Variants in GPC5 observed in about 807,000 individuals in gnomAD.
GPC5 encodes glypican-5.
GPC5 carries 47 observed loss-of-function variants against 53.9 expected under a neutral mutation model. That is an observed-to-expected ratio of 0.87 (90% CI 0.69 to 1.11). The LOEUF is 1.11. GPC5 is among the 50% of genes most tolerant of loss of function. The pLI, the probability that GPC5 is intolerant of heterozygous loss-of-function variation, is 0.00. For missense variants in GPC5, 748 were observed against 713.1 expected, an observed-to-expected ratio of 1.05 and a Z score of -0.56; for synonymous variants, 286 against 263.3, an observed-to-expected ratio of 1.09 and a Z score of -0.84.
chr13:92,244,731 A>AG (rs1175823679), intron 7 of GPC5, among the ~76,000 whole-genome samples: 1 of 152,124 alleles, frequency 6.6e-6, no homozygotes, highest in Non-Finnish European at 1.5e-5. Context: ...ATTGTAAAAA[A>AG]CAAAAGAGTT....
At chr13:92,645,397 T>C (rs1156971360) in intron 7 of GPC5, among the ~76,000 whole-genome samples, 1 of 152,192 alleles carries the variant, frequency 6.6e-6, no homozygotes, top group Non-Finnish European at 1.5e-5. Flanking sequence ...AAATGAATTT[T>C]TGTCCTAGTA....
intron 5 of GPC5, among the ~76,000 whole-genome samples, chr13:91,859,437 G>A (rs1484542496): frequency 6.6e-6 from 1 of 151,868 alleles, no homozygotes. Flanking sequence ...AGCAACCATA[G>A]GCCAATAGAT....
intron 7 of GPC5, among the ~76,000 whole-genome samples, chr13:92,527,224 A>G (rs1266205631): frequency 2.6e-5 from 1 of 39,020 alleles, no homozygotes; most frequent in African/African-American, 1.8e-4. Flanking sequence ...AAAGAAAGAA[A>G]GAAAGAAAGA....
At chr13:92,284,458 A>G (rs967276936) in intron 7 of GPC5, among the ~76,000 whole-genome samples, 1 of 152,218 alleles carries the variant, frequency 6.6e-6, no homozygotes, top group African/African-American at 2.4e-5. Flanking sequence ...TTTTAGACCG[A>G]TATCCCTGAT....
chr13:92,221,519 C>T (rs1412067003), intron 7 of GPC5, among the ~76,000 whole-genome samples: 1 of 152,096 alleles, frequency 6.6e-6, no homozygotes, highest in East Asian at 1.9e-4. Context: ...TATGTTTTCC[C>T]AACACCCTCT....
intron 7 of GPC5, among the ~76,000 whole-genome samples, chr13:92,260,085 C>T (rs1301311933): frequency 6.6e-6 from 1 of 152,184 alleles, no homozygotes; most frequent in African/African-American, 2.4e-5. Context: ...AGCCTCTCTA[C>T]TCACTAATGC....
At chr13:92,248,934 G>A (rs1296708154) in intron 7 of GPC5, among the ~76,000 whole-genome samples, 4 of 152,036 alleles carry the variant, frequency 2.6e-5, no homozygotes, top group Non-Finnish European at 4.4e-5. Flanking sequence ...AGGCAGCAAT[G>A]TTTATTCATT....
intron 7 of GPC5, among the ~76,000 whole-genome samples, chr13:92,646,980 C>A (rs1357577581): frequency 1.5e-5 from 2 of 130,598 alleles, no homozygotes; most frequent in African/African-American, 5.3e-5. Context: ...ATAAACCTGG[C>A]ATTCTATGAC....
chr13:91,568,804 A>G (rs1390786224), intron 2 of GPC5, among the ~76,000 whole-genome samples: 1 of 146,954 alleles, frequency 6.8e-6, no homozygotes, highest in African/African-American at 2.5e-5. Flanking sequence ...GCTGGAGTGC[A>G]GTGGTGCAAT....
intron 6 of GPC5, among the ~76,000 whole-genome samples, chr13:92,067,715 A>C (rs1260842879): frequency 6.6e-6 from 1 of 151,998 alleles, no homozygotes; most frequent in Non-Finnish European, 1.5e-5. Flanking sequence ...GCATGCATAT[A>C]ATAAAGGCAA....
At chr13:91,521,837 A>G (rs1323277198) in intron 2 of GPC5, among the ~76,000 whole-genome samples, 1 of 152,180 alleles carries the variant, frequency 6.6e-6, no homozygotes, top group Admixed American at 6.5e-5. Flanking sequence ...ATGCCAGTTA[A>G]AAGCTCCAAG....
intron 6 of GPC5, among the ~76,000 whole-genome samples, chr13:92,140,587 A>G (rs951111489): frequency 2.0e-5 from 3 of 152,198 alleles, no homozygotes; most frequent in African/African-American, 7.2e-5. Flanking sequence ...TCTGTGACCC[A>G]TCTTTTTGGA....
intron 7 of GPC5, among the ~76,000 whole-genome samples, chr13:92,202,628 A>AGGCAGT (rs1196197737): frequency 2.0e-5 from 3 of 152,210 alleles, no homozygotes; most frequent in African/African-American, 7.2e-5. Flanking sequence ...CAGAGGCCAC[A>AGGCAGT]GGCAGTTTTA....
At chr13:92,033,074 T>TGTGTGTGTGTGTGTGTGC (rs1491301836) in intron 6 of GPC5, among the ~76,000 whole-genome samples, 24 of 148,902 alleles carry the variant, frequency 1.6e-4, no homozygotes, top group African/African-American at 5.4e-4. Context: ...TGTGTGTGTG[T>TGTGTGTGTGTGTGTGTGC]GCTTCTCATT....
chr13:92,269,295 T>C (rs145812681), intron 7 of GPC5, among the ~76,000 whole-genome samples: 1 of 152,222 alleles, frequency 6.6e-6, no homozygotes, highest in South Asian at 2.1e-4. Context: ...TATCTGATTT[T>C]ACTTCTGTAT....
chr13:92,832,501 GACT>G (rs1160447520), intron 7 of GPC5, among the ~76,000 whole-genome samples: 1 of 151,942 alleles, frequency 6.6e-6, no homozygotes, highest in Non-Finnish European at 1.5e-5. Context: ...TTTTAAAATA[GACT>G]ACTGCTATTA....
chr13:91,761,231 T>C (rs1263516494), intron 5 of GPC5, among the ~76,000 whole-genome samples: 1 of 152,196 alleles, frequency 6.6e-6, no homozygotes, highest in Non-Finnish European at 1.5e-5. Flanking sequence ...AGGAATTAAC[T>C]TCCACAGTGG....
chr13:91,823,466 T>C (rs1252595147), intron 5 of GPC5, among the ~76,000 whole-genome samples: 1 of 152,076 alleles, frequency 6.6e-6, no homozygotes, highest in East Asian at 1.9e-4. Context: ...AAAGAGTATG[T>C]GAAAGTAAAT....
At chr13:92,527,234 A>G (rs1183396571) in intron 7 of GPC5, among the ~76,000 whole-genome samples, 4 of 38,924 alleles carry the variant, frequency 1.0e-4, no homozygotes, top group African/African-American at 4.5e-4. Context: ...AGAAAGAAAG[A>G]AAGAAAGAAA....
Sources: allele counts gnomAD v4.1 joint callset (sites outside exome capture counted in the v4.1 genomes callset), GRCh38; gene constraint gnomAD v4.1.1; transcripts MANE v1.5; gene names NCBI Gene and HGNC (gene_info 2026-07-23, HGNC 2026-07-21).